The following PCDHGA2 variants were observed in gnomAD, a reference collection of about 807,000 sequenced individuals.
PCDHGA2 encodes protocadherin gamma subfamily A, 2, also known as protocadherin gamma-A2.
In PCDHGA2, 40 loss-of-function variants were observed where a neutral mutation model predicts 59.2. The ratio of observed to expected loss-of-function variants is 0.68; its 90% confidence interval spans 0.52 to 0.88. PCDHGA2 has a LOEUF of 0.88. Among genes scored for constraint, PCDHGA2 ranks in the 40% least tolerant of loss-of-function variants. The pLI, the probability that PCDHGA2 is intolerant of heterozygous loss-of-function variation, is 0.00. For synonymous variants in PCDHGA2, 560 were observed against 526.0 expected, an observed-to-expected ratio of 1.06 and a Z score of -0.89; for missense variants, 1,226 against 1,204.0, an observed-to-expected ratio of 1.02 and a Z score of -0.27.
intron 1 of PCDHGA2, chr5:141,418,096 G>A (rs772001018): frequency 6.2e-7 from 1 of 1,614,078 alleles, no homozygotes; most frequent in East Asian, 2.2e-5. Context: ...GCGTAGACGC[G>A]CAGAGCGGGG....
chr5:141,490,010 T>C lies in PCDHGA2; in HGVS notation c.2425-4797T>C, dbSNP rs749356078. On this transcript the variant is annotated intron_variant, in intron 1 of 3. Coordinates refer to ENST00000394576, the MANE Select transcript of PCDHGA2 (RefSeq NM_018915.4). The surrounding 1 kb of genome is among the most constrained non-coding windows in gnomAD (Gnocchi z 5.4). ...GTGGGAATCCCAGAGAATGCACCCA[T>C]TGGTACTCTGCTGCTCCGCCTCAAT... 11 of 1,614,198 alleles carry C rather than the reference T, an allele frequency of 6.8e-6. No homozygotes were observed. The highest frequency in any genetic ancestry group is 2.2e-5 in the South Asian group (2 of 91,082).
At chr5:141,372,454 A>C in intron 1 of PCDHGA2, 1 of 1,613,990 alleles carries the variant, frequency 6.2e-7, no homozygotes. Context: ...CCTCAGGCGG[A>C]GCTACAGTTT....
intron 1 of PCDHGA2, among the ~76,000 whole-genome samples, chr5:141,353,830 G>A (rs1007675238): frequency 6.6e-6 from 1 of 152,088 alleles, no homozygotes; most frequent in East Asian, 1.9e-4. Flanking sequence ...CAGTTTGTGC[G>A]GTCTTTGAGG....
intron 1 of PCDHGA2, chr5:141,428,680 G>T: frequency 6.1e-6 from 1 of 162,778 alleles, no homozygotes; most frequent in Admixed American, 5.8e-5. Context: ...ATTTACAAAT[G>T]GATGAGGTTT....
chr5:141,352,027 G>C (rs764316289), intron 1 of PCDHGA2: 39 of 1,609,132 alleles, frequency 2.4e-5, no homozygotes, highest in Middle Eastern at 2.0e-4. Flanking sequence ...AGGTGGTGGC[G>C]GTGGACGCAG....
intron 1 of PCDHGA2, chr5:141,412,841 G>A (rs1285924844): frequency 4.9e-6 from 1 of 206,050 alleles, no homozygotes; most frequent in Non-Finnish European, 9.6e-6. Flanking sequence ...AAAGATAGGA[G>A]TGGAGAAACC....
At chr5:141,366,418 A>C (rs371439517) in intron 1 of PCDHGA2, 1 of 1,614,106 alleles carries the variant, frequency 6.2e-7, no homozygotes, top group East Asian at 2.2e-5. Context: ...TTGTGGTGGC[A>C]GTGGCTGCAG....
At position 141,493,841 on chromosome 5, in the gene PCDHGA2, T is replaced by C. The variant is rs774682943; in HGVS notation, c.2425-966T>C. On this transcript the variant is annotated intron_variant, in intron 1 of 3. Transcript: ENST00000394576. The surrounding 1 kb of genome is among the most constrained non-coding windows in gnomAD (Gnocchi z 4.3). ...CTCTGCTTCTGGGAGCAAGTATGAGTATTAATTACCAGCCCACCCCAGAAC... is the reference window on the plus strand; with the variant it reads ...CTCTGCTTCTGGGAGCAAGTATGAGCATTAATTACCAGCCCACCCCAGAAC... Among the ~76,000 whole-genome samples the C allele has an allele frequency of 3.3e-5, 5 of 152,140 alleles. No homozygotes were observed. In the East Asian group the frequency reaches 9.7e-4, roughly 29 times the overall value.
intron 1 of PCDHGA2, chr5:141,371,393 A>G (rs1227716102): frequency 5.6e-6 from 9 of 1,613,910 alleles, no homozygotes; most frequent in Admixed American, 5.0e-5. Flanking sequence ...ATTGTAAAGT[A>G]CAGATAGATA....
rs1562129544 is a variant in PCDHGA2 at position 141,489,362 on chromosome 5, C to G, written c.2425-5445C>G. ...TACTCAGTGGTGGAGGAGTCTGAGC[C>G]GGGGACGCTGGTGGGGAATGTTGCT... On this transcript the variant is annotated intron_variant, in intron 1 of 3. Transcript: ENST00000394576. This position sits in a 1 kb window ranked among gnomAD's most constrained non-coding sequence, Gnocchi z 4.5. 6.2e-7 allele frequency: 1 copy of G among 1,613,052 alleles called. No individual in the cohort carries two copies. Among genetic ancestry groups the G allele is most frequent in the Non-Finnish European group, 8.5e-7 (1 of 1,179,268 alleles).
intron 1 of PCDHGA2, chr5:141,384,604 A>G (rs762562769): frequency 3.1e-6 from 5 of 1,613,896 alleles, no homozygotes; most frequent in South Asian, 2.2e-5. Context: ...GGCCCTCCCC[A>G]CAGATGGTTC....
rs200646513 is a variant in PCDHGA2, at chr5:141,421,389, G to A, written c.2425-73418G>A. ...TGGGCAATATCTCCAAGGACCTGGG[G>A]CTGGAGCCCCGGGAGCTGGCGAAGC... On this transcript the variant is annotated intron_variant, in intron 1 of 3. Coordinates refer to ENST00000394576, the MANE Select transcript of PCDHGA2 (RefSeq NM_018915.4). The A allele has an allele frequency of 1.7e-3, 2,771 of 1,614,052 alleles. 5 individuals carry two copies. The highest frequency in any genetic ancestry group is 2.2e-3 in the Non-Finnish European group (2,560 of 1,179,918).
At chr5:141,350,383 C>A (rs1216895022) in intron 1 of PCDHGA2, 1 of 1,590,102 alleles carries the variant, frequency 6.3e-7, no homozygotes, top group African/African-American at 1.3e-5. Context: ...AGCTAGCCAA[C>A]GGCTCACGGG....
chr5:141,487,661 C>A lies in PCDHGA2; in HGVS notation c.2425-7146C>A. ...ACAAATGCTTGAGGGTTATTCTGATCCAGGCATATGGCTAGGCCATGTCCT... is the reference window on the plus strand; with the variant it reads ...ACAAATGCTTGAGGGTTATTCTGATACAGGCATATGGCTAGGCCATGTCCT... On this transcript the variant is annotated intron_variant, in intron 1 of 3. Transcript: ENST00000394576. This position sits in a 1 kb window ranked among gnomAD's most constrained non-coding sequence, Gnocchi z 5.0. The A allele has an allele frequency of 6.2e-7, 1 of 1,613,366 alleles. No homozygotes were observed. Among genetic ancestry groups the A allele is most frequent in the Non-Finnish European group, 8.5e-7 (1 of 1,179,646 alleles).
intron 1 of PCDHGA2, chr5:141,421,983 T>G: frequency 6.2e-7 from 1 of 1,609,228 alleles, no homozygotes; most frequent in Non-Finnish European, 8.5e-7. Context: ...GCGTGAGTGT[T>G]CCAGAAAACA....
chr5:141,360,074 G>T (rs1338613779), intron 1 of PCDHGA2: 2 of 1,478,456 alleles, frequency 1.4e-6, no homozygotes, highest in South Asian at 1.4e-5. Flanking sequence ...CCTTAGCCCG[G>T]ATTCTGCCAT....
At chr5:141,367,777 T>C (rs1765325375) in intron 1 of PCDHGA2, 1 of 152,150 alleles carries the variant, frequency 6.6e-6, no homozygotes, top group Non-Finnish European at 1.5e-5. Flanking sequence ...AATGTAAATA[T>C]GTCACACACC....
intron 1 of PCDHGA2, among the ~76,000 whole-genome samples, chr5:141,446,175 G>A (rs1288608276): frequency 1.3e-5 from 2 of 152,276 alleles, no homozygotes; most frequent in Non-Finnish European, 2.9e-5. Context: ...AGGGCAGGGG[G>A]TGTTTTGTTT....
chr5:141,454,998 G>C (rs909142112), intron 1 of PCDHGA2, among the ~76,000 whole-genome samples: 27 of 151,220 alleles, frequency 1.8e-4, no homozygotes, highest in African/African-American at 5.8e-4. Context: ...ATTTTTAGTA[G>C]AGACGGGGTT....
Sources: allele counts gnomAD v4.1 joint callset (sites outside exome capture counted in the v4.1 genomes callset), GRCh38; gene constraint gnomAD v4.1.1; non-coding constraint Gnocchi (gnomAD v3.1); transcripts MANE v1.5; gene names NCBI Gene and HGNC (gene_info 2026-07-23, HGNC 2026-07-21).